Variants in PRORP observed in about 807,000 individuals in gnomAD.
PRORP encodes the protein protein only RNase P catalytic subunit, also known as mitochondrial ribonuclease P catalytic subunit.
PRORP carries 51 observed loss-of-function variants against 59.4 expected under a neutral mutation model. The observed-to-expected ratio is 0.86, with a 90% confidence interval of 0.69 to 1.08. PRORP has a LOEUF of 1.08. PRORP is among the 50% of genes least tolerant of loss of function. The pLI, the probability that PRORP is intolerant of heterozygous loss-of-function variation, is 0.00. For synonymous variants in PRORP, 231 were observed against 245.6 expected (o/e 0.94, Z 0.55); for missense variants, 646 against 690.3 (o/e 0.94, Z 0.72).
chr14:35,256,304 AG>A (rs1267426610), intron 5 of PRORP, among the ~76,000 whole-genome samples: 1 of 145,654 alleles, frequency 6.9e-6, no homozygotes, highest in Non-Finnish European at 1.5e-5. Context: ...AAAAAAAAAA[AG>A]AAAAAAGAAA....
intron 4 of PRORP, among the ~76,000 whole-genome samples, chr14:35,154,575 C>A (rs934818910): frequency 2.0e-5 from 3 of 151,978 alleles, no homozygotes; most frequent in Non-Finnish European, 4.4e-5. Flanking sequence ...CTAGAGCTCA[C>A]TACTAATTTA....
chr14:35,178,136 A>G (rs1203573888), intron 4 of PRORP, among the ~76,000 whole-genome samples: 1 of 152,080 alleles, frequency 6.6e-6, no homozygotes, highest in Non-Finnish European at 1.5e-5. Flanking sequence ...GTTCTTTTAC[A>G]TTTGCTGAGG....
chr14:35,152,238 C>G (rs1191565510), intron 4 of PRORP, among the ~76,000 whole-genome samples: 1 of 152,172 alleles, frequency 6.6e-6, no homozygotes, highest in African/African-American at 2.4e-5. Flanking sequence ...TCAGAGAGCA[C>G]AGGGTTGGGG....
intron 5 of PRORP, chr14:35,262,504 G>A (rs1594354608): frequency 3.6e-6 from 2 of 556,906 alleles, no homozygotes; most frequent in East Asian, 3.5e-5. Flanking sequence ...TCCAGAAAAT[G>A]GTGACATTAC....
intron 5 of PRORP, among the ~76,000 whole-genome samples, chr14:35,226,512 T>C (rs2049937660): frequency 1.3e-5 from 2 of 152,206 alleles, no homozygotes; most frequent in South Asian, 4.1e-4. Flanking sequence ...GAAAAGGGGC[T>C]GACTCCACTG....
chr14:35,259,215 G>C (rs1295798182), intron 5 of PRORP, among the ~76,000 whole-genome samples: 1 of 152,056 alleles, frequency 6.6e-6, no homozygotes, highest in South Asian at 2.1e-4. Flanking sequence ...TTGTGTCTCT[G>C]GTAATTTTCT....
Position 35,123,661 on chromosome 14 carries a change from G to T in PRORP, c.416G>T (p.Ser139Ile). 2 of 1,614,188 alleles carry T rather than the reference G, an allele frequency of 1.2e-6. No homozygotes were observed. Among genetic ancestry groups the T allele is most frequent in the South Asian group, 2.2e-5 (2 of 91,092 alleles). ...TTAAAAGAAAACACCGGAAAGACCA[G>T]TTTCGAAAGTTGGATCATTTCACAG... ...EDLKENTGKT[S>I]FESWIISQMA... Residue 139 changes from serine to isoleucine, a missense_variant, in exon 2 of 8, where the codon AGT becomes ATT. Transcript: ENST00000534898.
intron 4 of PRORP, among the ~76,000 whole-genome samples, chr14:35,162,371 A>T (rs752574315): frequency 3.9e-4 from 59 of 152,232 alleles, no homozygotes; most frequent in African/African-American, 1.4e-3. Context: ...TCAGTGTGTT[A>T]TCAAACATTT....
Position 35,257,364 on chromosome 14 carries a change from C to T in PRORP, c.1276-9363C>T, listed in dbSNP as rs557796008. Among the ~76,000 whole-genome samples the T allele has an allele frequency of 8.5e-5, 13 of 152,268 alleles. No homozygotes were observed. The East Asian group carries it at 2.3e-3, about 27-fold the overall frequency. On this transcript the variant is annotated intron_variant, in intron 5 of 7. Transcript: ENST00000534898. ...CCGTTAAACAATAGCTCCTCATTCT[C>T]CTCTCCCTGCTGCCCTGACAACCAC...
intron 4 of PRORP, among the ~76,000 whole-genome samples, chr14:35,171,333 A>G (rs182295504): frequency 1.4e-4 from 22 of 152,104 alleles, no homozygotes; most frequent in Admixed American, 5.2e-4. Context: ...ATCTGTTTTC[A>G]TTTACCTGAA....
chr14:35,235,325 T>G (rs2050183065), intron 5 of PRORP: 1 of 697,338 alleles, frequency 1.4e-6, no homozygotes, highest in Non-Finnish European at 2.7e-6. Context: ...TTCCACCAGC[T>G]TAGCCAAAGT....
intron 4 of PRORP, among the ~76,000 whole-genome samples, chr14:35,178,458 A>G (rs2048511055): frequency 6.6e-6 from 1 of 152,176 alleles, no homozygotes; most frequent in Non-Finnish European, 1.5e-5. Context: ...TAGGATAGTT[A>G]GCTCTTCTTG....
chr14:35,219,010 C>G (rs897021254), intron 5 of PRORP: 6 of 152,118 alleles, frequency 3.9e-5, no homozygotes, highest in Non-Finnish European at 7.3e-5. Context: ...AATTGAAAGT[C>G]GATGGCTCAG....
At chr14:35,134,616 ACT>A (rs2047328845) in intron 4 of PRORP, among the ~76,000 whole-genome samples, 1 of 151,820 alleles carries the variant, frequency 6.6e-6, no homozygotes, top group Admixed American at 6.6e-5. Flanking sequence ...GTGTCTCATG[ACT>A]CTGACCGGTA....
intron 4 of PRORP, among the ~76,000 whole-genome samples, chr14:35,166,432 A>G (rs1053927344): frequency 4.7e-5 from 7 of 148,200 alleles, no homozygotes; most frequent in Admixed American, 4.1e-4. Flanking sequence ...GTTTCAGAAC[A>G]TGCTTTTATC....
At chr14:35,266,425 T>C (rs2051042530) in intron 5 of PRORP, among the ~76,000 whole-genome samples, 1 of 152,062 alleles carries the variant, frequency 6.6e-6, no homozygotes, top group Non-Finnish European at 1.5e-5. Context: ...AAGGCTGCAG[T>C]GAGCTATGAT....
At chr14:35,188,294 G>A (rs1351168937) in intron 5 of PRORP, among the ~76,000 whole-genome samples, 1 of 150,126 alleles carries the variant, frequency 6.7e-6, no homozygotes, top group Non-Finnish European at 1.5e-5. Context: ...GGGTTCAAGC[G>A]ATTCTCCTGC....
At position 35,191,977 on chromosome 14, in the gene PRORP, C is replaced by T. The variant is rs77495453; in HGVS notation, c.1275+11200C>T. Reference sequence around the variant, plus strand: ...TATCCCATAGTCTAGTCACTTCTTTCCATTTCCATTAACATCATCTCTCAC... The same window carrying T: ...TATCCCATAGTCTAGTCACTTCTTTTCATTTCCATTAACATCATCTCTCAC... On this transcript the variant is annotated intron_variant, in intron 5 of 7. Coordinates refer to ENST00000534898, the MANE Select transcript of PRORP (RefSeq NM_014672.4). 9.8e-5 allele frequency among the ~76,000 whole-genome samples: 15 copies of T among 152,294 alleles called. No homozygotes were observed. The East Asian group carries it at 2.7e-3, about 27-fold the overall frequency.
chr14:35,267,888 A>T (rs766462813), intron 6 of PRORP, among the ~76,000 whole-genome samples: 1 of 152,162 alleles, frequency 6.6e-6, no homozygotes, highest in Non-Finnish European at 1.5e-5. Flanking sequence ...GAAAGTAATA[A>T]GCTCTGAGAT....
Sources: gnomAD v4.1 joint callset for allele counts (sites outside exome capture counted in the v4.1 genomes callset) on GRCh38, gnomAD v4.1.1 for gene constraint, MANE v1.5 for transcripts, NCBI Gene and HGNC (gene_info 2026-07-23, HGNC 2026-07-21) for gene names.